STAT1: variants seen among roughly 807,000 people sequenced by gnomAD.
The protein encoded by STAT1 is signal transducer and activator of transcription 1-alpha/beta.
STAT1 carries 24 observed loss-of-function variants against 111.7 expected under a neutral mutation model. The ratio of observed to expected loss-of-function variants is 0.21; its 90% CI spans 0.16 to 0.30. The LOEUF is 0.30. Among genes scored for constraint, STAT1 ranks in the 10% least tolerant of loss-of-function variants. STAT1 has a pLI of 1.00. For missense variants in STAT1, 351 were observed against 911.9 expected (o/e 0.38, Z 7.92); for synonymous variants, 332 against 326.5 (o/e 1.02, Z -0.18).
Position 190,979,933 on chromosome 2 carries a change from C to T in STAT1, c.1633-67G>A. On this transcript the variant is annotated intron_variant, in intron 19 of 24. Transcript: ENST00000361099. This position sits in a 1 kb window ranked among gnomAD's most constrained non-coding sequence, Gnocchi z 5.8. The stretch of plus-strand genomic sequence containing the variant: ...AACAATGACTTACCATGGCCCCTCC[C>T]ACCATCATTTGCAAAGACTCCCCAG... 9.0e-7 allele frequency: 1 copy of T among 1,105,650 alleles called. No individual in the cohort carries two copies. 68.5% of individuals were successfully genotyped at this position (1,105,650 alleles called of 1,614,324 possible).
In STAT1 at chr2:190,976,751, A is replaced by C; in HGVS notation, c.2059+89T>G. ...AGCCTACTCTTACCAATTCGAAAGC[A>C]AAACACTGCATGGGTGGAGTTTCAG... is the stretch of plus-strand genomic sequence containing the variant. On this transcript the variant is annotated intron_variant, in intron 22 of 24. Coordinates refer to ENST00000361099, the MANE Select transcript of STAT1 (RefSeq NM_007315.4). This position sits in a 1 kb window ranked among gnomAD's most constrained non-coding sequence, Gnocchi z 6.0. 1 of 1,214,746 alleles carries C rather than the reference A, an allele frequency of 8.2e-7. No homozygotes were observed. Among genetic ancestry groups the C allele is most frequent in the Non-Finnish European group, 1.2e-6 (1 of 820,588 alleles). 75.2% of individuals were successfully genotyped at this position (1,214,746 alleles called of 1,614,324 possible). A position where few individuals can be genotyped will look rare whatever the true frequency, so the allele number is the denominator to read the frequency against.
chr2:191,013,878 C>G, intron 1 of STAT1, 140 bp downstream of exon 1: 1 of 386,294 alleles, frequency 2.6e-6, no homozygotes, highest in African/African-American at 2.1e-5. Flanking sequence ...TTGGAATACT[C>G]AGGACGCGTT....
rs1693184660 is a variant in STAT1, at chr2:190,989,894, A to G, written c.1038-220T>C. Among the ~76,000 whole-genome samples the G allele has an allele frequency of 6.6e-6, 1 of 152,226 alleles. No individual in the cohort carries two copies. Among genetic ancestry groups the G allele is most frequent in the Non-Finnish European group, 1.5e-5 (1 of 68,042 alleles). On this transcript the variant is annotated intron_variant, in intron 11 of 24. Coordinates refer to ENST00000361099, the MANE Select transcript of STAT1 (RefSeq NM_007315.4). This position sits in a 1 kb window ranked among gnomAD's most constrained non-coding sequence, Gnocchi z 5.0. ...GGAACCGCTTAGGAAAAATTGTAACACTAATTCTGACAGGATGCCGCCCTG... is the reference window on the plus strand; with the variant it reads ...GGAACCGCTTAGGAAAAATTGTAACGCTAATTCTGACAGGATGCCGCCCTG...
chr2:190,971,038 G>GA lies in STAT1; in HGVS notation c.2239-322dup, dbSNP rs1049385402. Among the ~76,000 whole-genome samples the GA allele has an allele frequency of 6.6e-6, 1 of 152,190 alleles. No individual in the cohort carries two copies. The highest frequency in any genetic ancestry group is 6.5e-5 in the Admixed American group (1 of 15,286). ...AGCAACGTGTCAAATCTGCTCATGT[G>GA]AAACGGGTGAGGAAATGCTGAGCCA... On this transcript the variant is annotated intron_variant, in intron 24 of 24. Coordinates refer to ENST00000361099, the MANE Select transcript of STAT1 (RefSeq NM_007315.4). The surrounding 1 kb of genome is among the most constrained non-coding windows in gnomAD (Gnocchi z 4.1).
rs1420107189 is a variant in STAT1, at chr2:191,003,783, A to T, written c.373-2620T>A. Reference sequence around the variant, plus strand: ...TTTCTTTATAGCCATGCAAGAACAGACTAATACAACTTCTAAGCCAGCAGG... The same window carrying T: ...TTTCTTTATAGCCATGCAAGAACAGTCTAATACAACTTCTAAGCCAGCAGG... On this transcript the variant is annotated intron_variant, in intron 5 of 24. Transcript: ENST00000361099. The surrounding 1 kb of genome is among the most constrained non-coding windows in gnomAD (Gnocchi z 4.0). Among the ~76,000 whole-genome samples the T allele has an allele frequency of 6.6e-6, 1 of 152,182 alleles. No homozygotes were observed. The highest frequency in any genetic ancestry group is 1.5e-5 in the Non-Finnish European group (1 of 68,046).
Position 191,001,188 on chromosome 2 carries a change from A to G in STAT1, c.373-25T>C, listed in dbSNP as rs776860167. The G allele has an allele frequency of 1.9e-6, 3 of 1,587,722 alleles. No homozygotes were observed. The African/African-American group carries it at 4.0e-5, about 21-fold the overall frequency. On this transcript the variant is annotated intron_variant, in intron 5 of 24. Transcript: ENST00000361099. ...CCTGTAATGGGAAGGGCATGATTAT[A>G]GCCATCGTTTTCTTCAGGGTGTGTA...
In STAT1 at chr2:190,975,163, A is replaced by G; in HGVS notation, c.2136-231T>C. ...TCACACTCCAGGGATGTGATAAGCA[A>G]TAGCCAGACTGGAATCTGTGCCGCT... On this transcript the variant is annotated intron_variant, in intron 23 of 24. Transcript: ENST00000361099. This position sits in a 1 kb window ranked among gnomAD's most constrained non-coding sequence, Gnocchi z 5.9. The G allele has an allele frequency of 1.5e-5, 8 of 534,422 alleles. No individual in the cohort carries two copies. Among genetic ancestry groups the G allele is most frequent in the South Asian group, 1.4e-4 (8 of 55,434 alleles). The allele number at this position is 534,422 out of a possible 1,614,324, so 33.1% of individuals were successfully genotyped here. A position where few individuals can be genotyped will look rare whatever the true frequency, so the allele number is the denominator to read the frequency against.
chr2:191,001,025 C>T, intron 6 of STAT1, 49 bp downstream of exon 6: 1 of 1,447,800 alleles, frequency 6.9e-7, no homozygotes, highest in Non-Finnish European at 9.7e-7. Context: ...AACCTTTTTT[C>T]CCCTACAGAA....
In STAT1 at chr2:190,971,136, A is replaced by G. The variant is rs570883732; in HGVS notation, c.2239-419T>C. ...AAAGGCCACTCAGTGGGTAAAATCA[A>G]TGACTGTGTTTCAGGTACAGACTAA... On this transcript the variant is annotated intron_variant, in intron 24 of 24. Coordinates refer to ENST00000361099, the MANE Select transcript of STAT1 (RefSeq NM_007315.4). The surrounding 1 kb of genome is among the most constrained non-coding windows in gnomAD (Gnocchi z 4.1). Among the ~76,000 whole-genome samples the G allele has an allele frequency of 4.8e-4, 73 of 152,338 alleles. No individual in the cohort carries two copies. The highest frequency in any genetic ancestry group is 6.8e-3 in the Middle Eastern group (2 of 294).
rs781769221 is a variant in STAT1 at position 190,974,749 on chromosome 2, C to T, written c.2238+81G>A. 7.1e-5 allele frequency: 90 copies of T among 1,271,826 alleles called. No individual in the cohort carries two copies. The highest frequency in any genetic ancestry group is 2.1e-4 in the Middle Eastern group (1 of 4,698). 78.8% of individuals were successfully genotyped at this position (1,271,826 alleles called of 1,614,324 possible). ...CAGGGCTCCCTCCCGCAGACAGGCC[C>T]GGGATCTGCCATGGTGCGCTCCCTG... On this transcript the variant is annotated intron_variant, in intron 24 of 24. Coordinates refer to ENST00000361099, the MANE Select transcript of STAT1 (RefSeq NM_007315.4). The surrounding 1 kb of genome is among the most constrained non-coding windows in gnomAD (Gnocchi z 4.8).
Position 190,983,617 on chromosome 2 carries a change from A to T in STAT1, c.1446+25T>A. On this transcript the variant is annotated intron_variant, in intron 17 of 24. Transcript: ENST00000361099. This position sits in a 1 kb window ranked among gnomAD's most constrained non-coding sequence, Gnocchi z 5.7. ...CGTGGGGTCTCTGCTTAACCCTGGG[A>T]CCAAAGCAAATGTGTTTTCCATACC... The T allele has an allele frequency of 6.2e-7, 1 of 1,605,782 alleles. No individual in the cohort carries two copies.
Position 190,975,412 on chromosome 2 carries a change from G to T in STAT1, c.2135+400C>A. The T allele has an allele frequency of 1.6e-6, 1 of 614,614 alleles. No individual in the cohort carries two copies. Among genetic ancestry groups the T allele is most frequent in the Non-Finnish European group, 2.8e-6 (1 of 355,368 alleles). The allele number at this position is 614,614 out of a possible 1,614,324, so 38.1% of individuals were successfully genotyped here. ...TGCTGCAGGCCAAATAACTGACAAT[G>T]ACATTTCCAAAATTTTTTCTACCTT... On this transcript the variant is annotated intron_variant, in intron 23 of 24. Coordinates refer to ENST00000361099, the MANE Select transcript of STAT1 (RefSeq NM_007315.4). The surrounding 1 kb of genome is among the most constrained non-coding windows in gnomAD (Gnocchi z 5.9).
chr2:191,009,179 G>T, intron 3 of STAT1, 72 bp from the exon 4 acceptor site: 1 of 1,528,862 alleles, frequency 6.5e-7, no homozygotes. Flanking sequence ...AACAAATGTT[G>T]GTTTCCTTAT....
Position 191,001,158 on chromosome 2 carries a change from C to G in STAT1, c.378G>C (p.Gln126His). 1 of 1,613,736 alleles carries G rather than the reference C, an allele frequency of 6.2e-7. No individual in the cohort carries two copies. The highest frequency in any genetic ancestry group is 8.5e-7 in the Non-Finnish European group (1 of 1,179,646). Residue 126 changes from glutamine to histidine, a missense_variant, in exon 6 of 25, where the codon CAG becomes CAC. Around this residue, in one of 7 missense-constraint regions of STAT1, gnomAD observed 20 missense variants for 18.4 expected, o/e 1.09. Transcript: ENST00000361099. ...TCACTGTGCTCTGAATATTCCCCGACTGAGCCTGTAATGGGAAGGGCATGA... is the reference window on the plus strand; with the variant it reads ...TCACTGTGCTCTGAATATTCCCCGAGTGAGCCTGTAATGGGAAGGGCATGA... ...LENAQRFNQAQSGNIQSTVML... is the reference protein window; with the variant it reads ...LENAQRFNQAHSGNIQSTVML...
In STAT1 at chr2:190,975,116, GCC is replaced by G. The variant is rs760740159; in HGVS notation, c.2136-186_2136-185del. Among the ~76,000 whole-genome samples, 2 of 152,194 alleles carry G rather than the reference GCC, an allele frequency of 1.3e-5. No individual in the cohort carries two copies. Among genetic ancestry groups the G allele is most frequent in the Non-Finnish European group, 2.9e-5 (2 of 68,036 alleles). On this transcript the variant is annotated intron_variant, in intron 23 of 24. Coordinates refer to ENST00000361099, the MANE Select transcript of STAT1 (RefSeq NM_007315.4). This position sits in a 1 kb window ranked among gnomAD's most constrained non-coding sequence, Gnocchi z 5.9. ...AGCTCATGGGAGGCTCATGTCCCCA[GCC>G]CAGCCCCTTGGGAAATGTTTCACAC...
chr2:191,006,081 A>T lies in STAT1; in HGVS notation c.372+1482T>A, dbSNP rs1694665431. Among the ~76,000 whole-genome samples, 1 of 152,256 alleles carries T rather than the reference A, an allele frequency of 6.6e-6. No individual in the cohort carries two copies. The highest frequency in any genetic ancestry group is 1.5e-5 in the Non-Finnish European group (1 of 68,042). On this transcript the variant is annotated intron_variant, in intron 5 of 24. Coordinates refer to ENST00000361099, the MANE Select transcript of STAT1 (RefSeq NM_007315.4). This position sits in a 1 kb window ranked among gnomAD's most constrained non-coding sequence, Gnocchi z 4.6. ...TCTCTGGGCCAAGGGGCCAAATGTG[A>T]GGATGACATGCTTGCAGCTGGGGGA...
chr2:190,975,603 T>C lies in STAT1; in HGVS notation c.2135+209A>G. ...TCAGTTTTGGGAAAATTTATATACC[T>C]TAAATACAAATTTGGTTTTTGGCTT... On this transcript the variant is annotated intron_variant, in intron 23 of 24. Coordinates refer to ENST00000361099, the MANE Select transcript of STAT1 (RefSeq NM_007315.4). This position sits in a 1 kb window ranked among gnomAD's most constrained non-coding sequence, Gnocchi z 5.9. 7.0e-7 allele frequency: 1 copy of C among 1,433,866 alleles called. No homozygotes were observed. Among genetic ancestry groups the C allele is most frequent in the Non-Finnish European group, 9.1e-7 (1 of 1,097,198 alleles). The allele number at this position is 1,433,866 out of a possible 1,614,324, so 88.8% of individuals were successfully genotyped here.
chr2:191,001,594 T>C (rs1694274417), intron 5 of STAT1, among the ~76,000 whole-genome samples: 1 of 152,220 alleles, frequency 6.6e-6, no homozygotes, highest in African/African-American at 2.4e-5. Context: ...AGGGCTAATA[T>C]GATTAGGCAA....
At position 190,986,824 on chromosome 2, in the gene STAT1, A is replaced by C; in HGVS notation, c.1221+30T>G. The stretch of plus-strand genomic sequence containing the variant: ...TGTCAAAAGTCCTAAGAAACCAGAG[A>C]CAACATAGAGAGGAAACTGATGTCC... On this transcript the variant is annotated intron_variant, in intron 14 of 24. Transcript: ENST00000361099. The surrounding 1 kb of genome is among the most constrained non-coding windows in gnomAD (Gnocchi z 5.0). The C allele has an allele frequency of 6.2e-7, 1 of 1,602,304 alleles. No homozygotes were observed. Among genetic ancestry groups the C allele is most frequent in the Non-Finnish European group, 8.6e-7 (1 of 1,169,174 alleles).
Sources: allele counts gnomAD v4.1 joint callset (sites outside exome capture counted in the v4.1 genomes callset), GRCh38; gene constraint gnomAD v4.1.1; regional missense constraint gnomAD v4.1.1; non-coding constraint Gnocchi (gnomAD v3.1); transcripts MANE v1.5; gene names NCBI Gene and HGNC (gene_info 2026-07-23, HGNC 2026-07-21).